Variants in FMR1NB observed in about 807,000 individuals in gnomAD.
The protein encoded by FMR1NB is FMR1 neighbor protein.
A neutral mutation model predicts 16.8 loss-of-function variants in FMR1NB; 10 were observed. The observed-to-expected ratio is 0.60, with a 90% CI of 0.37 to 1.01. The LOEUF is 1.01. Among genes scored for constraint, FMR1NB ranks in the 50% least tolerant of loss-of-function variants. The pLI, the probability that FMR1NB is intolerant of heterozygous loss-of-function variation, is 0.01. For synonymous variants in FMR1NB, 83 were observed against 79.1 expected (o/e 1.05, Z -0.26); for missense variants, 205 against 204.8 (o/e 1.00, Z 0.00).
intron 2 of FMR1NB, 106 bp downstream of exon 2, chrX:148,003,426 G>T: frequency 1.1e-6 from 1 of 898,287 alleles, no homozygotes; most frequent in Non-Finnish European, 1.5e-6. Context: ...GTGGGACAGA[G>T]CTGAGTTTGA....
At chrX:148,008,212 A>AT in intron 3 of FMR1NB, 2 of 127,507 alleles carry the variant, frequency 1.6e-5, no homozygotes, top group Non-Finnish European at 3.3e-5. Flanking sequence ...GTGTGACCAT[A>AT]GATTAAGAAG....
chrX:148,008,769 T>C, intron 4 of FMR1NB, 58 bp downstream of exon 4: 1 of 985,914 alleles, frequency 1.0e-6, no homozygotes, highest in East Asian at 3.1e-5. Context: ...TATTTGTGTA[T>C]AGACATATTT....
chrX:148,021,852 ACT>A (rs1274580369), intron 4 of FMR1NB, among the ~76,000 whole-genome samples: 1 of 104,710 alleles, frequency 9.6e-6, no homozygotes, highest in South Asian at 4.2e-4. Flanking sequence ...AGTGTCTTTA[ACT>A]CTCTCTTTTC....
intron 5 of FMR1NB, 145 bp from the exon 6 acceptor site, chrX:148,026,357 C>A (rs2044703630): frequency 9.0e-6 from 1 of 111,654 alleles, no homozygotes; most frequent in Non-Finnish European, 1.9e-5. Context: ...GATGTACTGG[C>A]AAACTGAAAA....
chrX:148,010,718 C>T, intron 4 of FMR1NB, among the ~76,000 whole-genome samples: 1 of 111,586 alleles, frequency 9.0e-6, no homozygotes, highest in Middle Eastern at 4.7e-3. Flanking sequence ...GTACCAAAAG[C>T]TATTATGACT....
rs371934722 is a variant in FMR1NB, at chrX:148,024,995, G to A, written c.763G>A (p.Glu255Lys). The A allele has an allele frequency of 6.1e-5, 74 of 1,208,019 alleles. No individual in the cohort carries two copies. The highest frequency in any genetic ancestry group is 7.4e-5 in the Non-Finnish European group (66 of 894,121). The change falls in exon 5 of 6, where the codon GAG becomes AAG. Residue 255 changes from glutamate (E) to lysine (K), a missense_variant. Glu to Lys is a moderately conservative substitution (Grantham distance 56). Coordinates refer to ENST00000370467, the MANE Select transcript of FMR1NB (RefSeq NM_152578.3). Reference protein sequence around the residue: ...AARGREEHGDE With the variant: ...AARGREEHGDK ...AAGAGGACGTGAGGAACATGGTGAC[G>A]AGTAGCAAGAGACCAAAGGTAATTG...
intron 1 of FMR1NB, among the ~76,000 whole-genome samples, chrX:147,985,457 C>G (rs972549376): frequency 9.0e-6 from 1 of 111,107 alleles, no homozygotes; most frequent in Admixed American, 9.6e-5. Context: ...TCTGAATGCT[C>G]TCCCTCCCCT....
chrX:147,985,644 G>C (rs1424966971), intron 1 of FMR1NB, among the ~76,000 whole-genome samples: 1 of 112,062 alleles, frequency 8.9e-6, no homozygotes, highest in Non-Finnish European at 1.9e-5. Flanking sequence ...CAAAGGACAT[G>C]AACTCATTCT....
chrX:148,011,024 G>A (rs1443649734), intron 4 of FMR1NB, among the ~76,000 whole-genome samples: 1 of 111,019 alleles, frequency 9.0e-6, no homozygotes, highest in Admixed American at 9.6e-5. Context: ...GAAGCACTTT[G>A]GGAGGCCAAG....
intron 1 of FMR1NB, among the ~76,000 whole-genome samples, chrX:147,992,117 T>G (rs782640014): frequency 9.0e-6 from 1 of 111,697 alleles, no homozygotes; most frequent in East Asian, 2.9e-4. Flanking sequence ...CTTTCCCGCC[T>G]TTCTACTCCA....
intron 1 of FMR1NB, among the ~76,000 whole-genome samples, chrX:148,001,386 A>G (rs1327906625): frequency 8.9e-6 from 1 of 112,009 alleles, no homozygotes; most frequent in Non-Finnish European, 1.9e-5. Context: ...ATTTTTTTTG[A>G]CTTGACAAAA....
chrX:148,006,647 G>A, intron 2 of FMR1NB, 55 bp from the exon 3 acceptor site: 1 of 1,131,908 alleles, frequency 8.8e-7, no homozygotes, highest in South Asian at 2.1e-5. Flanking sequence ...TTTAATTAGG[G>A]AAAGTGGTAA....
intron 4 of FMR1NB, among the ~76,000 whole-genome samples, chrX:148,016,384 G>T (rs1310133712): frequency 2.7e-5 from 3 of 111,260 alleles, no homozygotes; most frequent in Non-Finnish European, 3.8e-5. Context: ...TGATGATTGG[G>T]TCTCATTTTT....
intron 1 of FMR1NB, among the ~76,000 whole-genome samples, chrX:148,001,000 G>A (rs376120845): frequency 8.0e-5 from 9 of 111,917 alleles, no homozygotes; most frequent in East Asian, 2.8e-4. Flanking sequence ...GAGAACTAAC[G>A]AGAGTTAACT....
intron 4 of FMR1NB, among the ~76,000 whole-genome samples, chrX:148,012,249 C>T (rs1355832502): frequency 2.7e-5 from 3 of 111,691 alleles, no homozygotes; most frequent in Non-Finnish European, 3.8e-5. Context: ...ACAGTAGTCT[C>T]AAGTGCAGTT....
At chrX:148,025,125 G>A in intron 5 of FMR1NB, 112 bp downstream of exon 5, 1 of 856,249 alleles carries the variant, frequency 1.2e-6, no homozygotes. Context: ...CCACACAAAT[G>A]TTTGGATCAC....
chrX:148,019,572 A>G (rs1557190448), intron 4 of FMR1NB, among the ~76,000 whole-genome samples: 1 of 111,793 alleles, frequency 8.9e-6, no homozygotes, highest in Non-Finnish European at 1.9e-5. Context: ...CAGGTGTTCT[A>G]AGGGACTTGA....
chrX:147,990,946 A>G (rs1302745722), intron 1 of FMR1NB, among the ~76,000 whole-genome samples: 2 of 109,102 alleles, frequency 1.8e-5, no homozygotes, highest in Non-Finnish European at 3.8e-5. Flanking sequence ...CCCTAACCTC[A>G]CTTGCTAACC....
intron 4 of FMR1NB, among the ~76,000 whole-genome samples, chrX:148,009,513 C>CTT (rs35034562): frequency 1.0e-5 from 1 of 97,252 alleles, no homozygotes; most frequent in Non-Finnish European, 2.1e-5. Flanking sequence ...TGCTTCCAAG[C>CTT]TTTTTTTTTT....
Sources: gnomAD v4.1 joint callset for allele counts (sites outside exome capture counted in the v4.1 genomes callset) on GRCh38, gnomAD v4.1.1 for gene constraint, MANE v1.5 for transcripts, NCBI Gene and HGNC (gene_info 2026-07-23, HGNC 2026-07-21) for gene names.